RASA1: variants seen among roughly 807,000 people sequenced by gnomAD.
RASA1 encodes RAS p21 protein activator 1.
RASA1 carries 25 observed loss-of-function variants against 132.2 expected under a neutral mutation model. That is an observed-to-expected ratio of 0.19 (90% CI 0.14 to 0.26). The LOEUF (loss-of-function observed/expected upper bound fraction) is 0.26, where lower values mean the gene tolerates loss of function less well. Ranked by LOEUF, RASA1 falls within the 10% of genes least tolerant of loss-of-function variation. RASA1 has a pLI of 1.00. For synonymous variants in RASA1, 477 were observed against 449.9 expected (o/e 1.06, Z -0.76); for missense variants, 964 against 1,299.2 (o/e 0.74, Z 3.97).
intron 20 of RASA1, among the ~76,000 whole-genome samples, chr5:87,382,466 TATCA>T (rs994942917): frequency 3.3e-5 from 5 of 152,244 alleles, no homozygotes; most frequent in Non-Finnish European, 7.3e-5. Flanking sequence ...GGATTATGTC[TATCA>T]ATCTGTAGAA....
intron 6 of RASA1, among the ~76,000 whole-genome samples, chr5:87,343,654 A>G (rs1035195694): frequency 6.6e-6 from 1 of 152,194 alleles, no homozygotes; most frequent in African/African-American, 2.4e-5. Context: ...TATAGAGCAC[A>G]GCATGGAAGT....
At chr5:87,292,520 GATTT>G (rs1459696836) in intron 1 of RASA1, among the ~76,000 whole-genome samples, 1 of 151,912 alleles carries the variant, frequency 6.6e-6, no homozygotes, top group African/African-American at 2.4e-5. Context: ...CCGTTCCATT[GATTT>G]ATTTGTCCTT....
At chr5:87,372,322 A>G in intron 13 of RASA1, 127 bp downstream of exon 13, 1 of 805,658 alleles carries the variant, frequency 1.2e-6, no homozygotes, top group Non-Finnish European at 2.1e-6. Context: ...CACTTGCTTC[A>G]GTAGCAGGAA....
At chr5:87,301,443 C>G (rs547157658) in intron 1 of RASA1, among the ~76,000 whole-genome samples, 1 of 149,786 alleles carries the variant, frequency 6.7e-6, no homozygotes, top group South Asian at 2.1e-4. Context: ...ACTTAAAGAA[C>G]CCCAGAATAT....
chr5:87,324,530 T>G (rs2112346158), intron 1 of RASA1, among the ~76,000 whole-genome samples: 1 of 152,276 alleles, frequency 6.6e-6, no homozygotes, highest in African/African-American at 2.4e-5. Flanking sequence ...TTAGAAATGC[T>G]CTCTCGAAAC....
At chr5:87,379,296 G>T (rs778791456) in intron 18 of RASA1, among the ~76,000 whole-genome samples, 13 of 152,124 alleles carry the variant, frequency 8.5e-5, no homozygotes, top group Non-Finnish European at 4.4e-5. Flanking sequence ...GGGAGTCTCT[G>T]GACTTTAGAG....
intron 19 of RASA1, 111 bp downstream of exon 19, chr5:87,379,961 A>C (rs2112499344): frequency 2.7e-6 from 3 of 1,116,858 alleles, no homozygotes; most frequent in African/African-American, 1.6e-5. Flanking sequence ...TATACTCTGA[A>C]AAAGTCATGG....
chr5:87,331,904 G>A (rs1226643026), intron 2 of RASA1, among the ~76,000 whole-genome samples: 3 of 151,974 alleles, frequency 2.0e-5, no homozygotes, highest in Non-Finnish European at 4.4e-5. Context: ...TCGCAGACAT[G>A]CACTTCAGTG....
chr5:87,299,899 A>T (rs1755284363), intron 1 of RASA1: 1 of 152,158 alleles, frequency 6.6e-6, no homozygotes, highest in Non-Finnish European at 1.5e-5. Flanking sequence ...ACCTATATAG[A>T]TGTTGAAAGA....
chr5:87,369,796 T>C lies in RASA1; in HGVS notation c.1611-17T>C. Reference sequence around the variant, plus strand: ...TTTTTATTAAGCTTCCTAATAATTTTTGTTTTTATTTTAAAGGCCAAACTG... The same window carrying C: ...TTTTTATTAAGCTTCCTAATAATTTCTGTTTTTATTTTAAAGGCCAAACTG... On this transcript the variant is annotated splice_polypyrimidine_tract_variant and intron_variant, in intron 11 of 24. Coordinates refer to ENST00000274376, the MANE Select transcript of RASA1 (RefSeq NM_002890.3). The C allele has an allele frequency of 6.3e-7, 1 of 1,583,850 alleles. No homozygotes were observed. The highest frequency in any genetic ancestry group is 2.3e-5 in the East Asian group (1 of 44,400).
chr5:87,330,990 A>T, intron 1 of RASA1: 1 of 1,423,172 alleles, frequency 7.0e-7, no homozygotes, highest in Non-Finnish European at 9.2e-7. Context: ...CGAGGTAGTA[A>T]ATTAATCATT....
At chr5:87,290,579 A>T (rs2112266793) in intron 1 of RASA1, among the ~76,000 whole-genome samples, 1 of 152,356 alleles carries the variant, frequency 6.6e-6, no homozygotes, top group South Asian at 2.1e-4. Flanking sequence ...AATGACATGT[A>T]TCCCACATTG....
chr5:87,290,603 A>G (rs2112266822), intron 1 of RASA1, among the ~76,000 whole-genome samples: 1 of 152,320 alleles, frequency 6.6e-6, no homozygotes, highest in Admixed American at 6.5e-5. Context: ...TGTCATACAA[A>G]ATAGTTTCAT....
intron 1 of RASA1, among the ~76,000 whole-genome samples, chr5:87,291,820 C>G (rs1039619326): frequency 2.6e-5 from 4 of 152,204 alleles, no homozygotes; most frequent in African/African-American, 9.7e-5. Context: ...ATGCTGACAC[C>G]ATGCTTCCTA....
rs1561292521 is a variant in RASA1 at position 87,338,535 on chromosome 5, A to ATTTT, written c.1017+444_1017+445insTTTT. Among the ~76,000 whole-genome samples the ATTTT allele has an allele frequency of 1.0e-3, 98 of 95,886 alleles. 4 individuals carry two copies. The highest frequency in any genetic ancestry group is 7.7e-3 in the East Asian group (18 of 2,348). 62.9% of individuals were successfully genotyped at this position (95,886 alleles called of 152,430 possible). On this transcript the variant is annotated intron_variant, in intron 5 of 24. Transcript: ENST00000274376. ...TATATATATATATATATATATATAA[A>ATTTT]ATTTTTTTTTTTTTTAAGTAGAAAT...
intron 1 of RASA1, among the ~76,000 whole-genome samples, chr5:87,280,102 C>T (rs962104404): frequency 5.3e-5 from 8 of 152,224 alleles, no homozygotes; most frequent in African/African-American, 1.9e-4. Context: ...TTACTGCCTG[C>T]TTTGTTCTGG....
intron 1 of RASA1, among the ~76,000 whole-genome samples, chr5:87,293,031 A>G (rs1482318079): frequency 6.6e-6 from 1 of 152,158 alleles, no homozygotes; most frequent in Non-Finnish European, 1.5e-5. Context: ...TTTTCTACCT[A>G]GACAATCCTG....
Position 87,268,483 on chromosome 5 carries a change from G to A in RASA1, c.32G>A (p.Gly11Asp). The A allele has an allele frequency of 6.4e-7, 1 of 1,556,734 alleles. No homozygotes were observed. The highest frequency in any genetic ancestry group is 2.0e-5 in the Admixed American group (1 of 51,220). MMAAEAGSEE[G>D]GPVTAGAGGG... is the part of the protein sequence containing the mutation. ...GCGGCCGAGGCCGGCAGTGAGGAGG[G>A]CGGCCCGGTAACAGCCGGAGCTGGA... The change falls in exon 1 of 25, where the codon GGC becomes GAC. Residue 11 changes from glycine (G) to aspartate (D), a missense_variant. Coordinates refer to ENST00000274376, the MANE Select transcript of RASA1 (RefSeq NM_002890.3).
At chr5:87,355,351 C>G (rs1296897901) in intron 9 of RASA1, among the ~76,000 whole-genome samples, 1 of 152,124 alleles carries the variant, frequency 6.6e-6, no homozygotes, top group East Asian at 1.9e-4. Context: ...TTCTGAAAAT[C>G]CTAGGAGCAT....
Sources: gnomAD v4.1 joint callset for allele counts (sites outside exome capture counted in the v4.1 genomes callset) on GRCh38, gnomAD v4.1.1 for gene constraint, MANE v1.5 for transcripts, NCBI Gene and HGNC (gene_info 2026-07-23, HGNC 2026-07-21) for gene names.